Variants in MARCHF1 observed in about 807,000 individuals in gnomAD.
The protein encoded by MARCHF1 is E3 ubiquitin-protein ligase MARCHF1.
Under a neutral mutation model 54.2 loss-of-function variants are expected in MARCHF1, and 40 were observed. The observed-to-expected ratio is 0.74, with a 90% CI of 0.57 to 0.96. The LOEUF (loss-of-function observed/expected upper bound fraction) is 0.96, where lower values mean the gene tolerates loss of function less well. Ranked by LOEUF, MARCHF1 falls within the 40% of genes least tolerant of loss-of-function variation. The probability of loss-of-function intolerance (pLI) is 0.00; values close to 1 mark genes in which losing one functional copy is unlikely to be tolerated. For missense variants in MARCHF1, 586 were observed against 656.5 expected (o/e 0.89, Z 1.17); for synonymous variants, 236 against 236.3 (o/e 1.00, Z 0.01).
At chr4:163,618,052 C>G (rs910005127) in intron 5 of MARCHF1, among the ~76,000 whole-genome samples, 1 of 152,158 alleles carries the variant, frequency 6.6e-6, no homozygotes, top group Non-Finnish European at 1.5e-5. Context: ...CACAGTGAAT[C>G]AGATAGCATT....
chr4:163,590,918 G>A (rs578078225), intron 7 of MARCHF1, among the ~76,000 whole-genome samples: 35 of 151,820 alleles, frequency 2.3e-4, no homozygotes, highest in Middle Eastern at 3.4e-3. Flanking sequence ...TTGTAGTTCC[G>A]CCCATCTATA....
At chr4:163,873,031 G>A (rs891259709) in intron 3 of MARCHF1, among the ~76,000 whole-genome samples, 1 of 150,654 alleles carries the variant, frequency 6.6e-6, no homozygotes, top group East Asian at 2.0e-4. Context: ...GCGACAGAGC[G>A]AGACTCCGTC....
intron 1 of MARCHF1, chr4:164,383,138 C>T (rs1314964174): frequency 6.6e-6 from 1 of 152,318 alleles, no homozygotes; most frequent in Admixed American, 6.5e-5. Context: ...CACTCCACTT[C>T]CTGGAGCTCC....
chr4:163,805,670 G>C (rs991064385), intron 4 of MARCHF1, among the ~76,000 whole-genome samples: 2 of 152,272 alleles, frequency 1.3e-5, no homozygotes, highest in African/African-American at 2.4e-5. Context: ...TTATGTTGTA[G>C]AAGACACAGA....
chr4:163,590,271 A>G (rs1266258758), intron 7 of MARCHF1, among the ~76,000 whole-genome samples: 2 of 150,640 alleles, frequency 1.3e-5, no homozygotes, highest in Non-Finnish European at 3.0e-5. Context: ...AAAAAAAAAA[A>G]TCTTTGTGAG....
At chr4:164,057,211 TA>T (rs1754512452) in intron 2 of MARCHF1, among the ~76,000 whole-genome samples, 1 of 152,206 alleles carries the variant, frequency 6.6e-6, no homozygotes, top group Admixed American at 6.5e-5. Flanking sequence ...CATACTTTTT[TA>T]TAATAATCAT....
rs1484528321 is a variant in MARCHF1 at position 164,340,412 on chromosome 4, TAG to T, written c.-323+43456_-323+43457del. 1.4e-3 allele frequency among the ~76,000 whole-genome samples: 142 copies of T among 102,114 alleles called. 10 individuals carry two copies. The highest frequency in any genetic ancestry group is 8.4e-3 in the Middle Eastern group (2 of 238). The allele number at this position is 102,114 out of a possible 152,430, so 67.0% of individuals were successfully genotyped here. On this transcript the variant is annotated intron_variant, in intron 1 of 9. Transcript: ENST00000514618. ...ATGCCACCAGGCCTTGATTTATATATAGATATATATATATATATATATAGTTT... is the reference window on the plus strand; with the variant it reads ...ATGCCACCAGGCCTTGATTTATATATATATATATATATATATATATAGTTT...
chr4:164,370,773 T>C (rs1190027270), intron 1 of MARCHF1, among the ~76,000 whole-genome samples: 1 of 152,084 alleles, frequency 6.6e-6, no homozygotes, highest in Non-Finnish European at 1.5e-5. Context: ...CTGGGCGTGA[T>C]AGCGTGCCCC....
intron 3 of MARCHF1, among the ~76,000 whole-genome samples, chr4:163,920,289 G>C (rs995408755): frequency 1.3e-5 from 2 of 152,162 alleles, no homozygotes; most frequent in African/African-American, 4.8e-5. Context: ...TTGTTAATGT[G>C]TAAGAACCCA....
chr4:164,156,559 G>C (rs1730082449), intron 1 of MARCHF1, among the ~76,000 whole-genome samples: 1 of 152,060 alleles, frequency 6.6e-6, no homozygotes, highest in Admixed American at 6.6e-5. Flanking sequence ...GTGTAGCTGG[G>C]ACTACAGGCA....
rs1731068520 is a variant in MARCHF1 at position 164,189,562 on chromosome 4, G to A, written c.-322-77900C>T. 4 of 916,304 alleles carry A rather than the reference G, an allele frequency of 4.4e-6. No individual in the cohort carries two copies. In the South Asian group the frequency reaches 5.5e-5, roughly 13 times the overall value. 56.8% of individuals were successfully genotyped at this position (916,304 alleles called of 1,614,324 possible). ...AAACCCAGATGAAGCTGTAGTGCAT[G>A]GTGCTGCTGTCCAGGCTGGAGTGCT... is the stretch of plus-strand genomic sequence containing the variant. On this transcript the variant is annotated intron_variant, in intron 1 of 9. Transcript: ENST00000514618.
chr4:164,038,385 TG>T (rs1754054753), intron 2 of MARCHF1, among the ~76,000 whole-genome samples: 1 of 152,052 alleles, frequency 6.6e-6, no homozygotes. Flanking sequence ...CCCAGCTACT[TG>T]GGAGGCTGAG....
At chr4:163,628,713 A>C (rs1176337853) in intron 5 of MARCHF1, among the ~76,000 whole-genome samples, 3 of 152,238 alleles carry the variant, frequency 2.0e-5, no homozygotes, top group Non-Finnish European at 4.4e-5. Context: ...TAGGATACAA[A>C]ATCAATGTGC....
chr4:163,815,827 CTTAATAA>C (rs1748517650), intron 4 of MARCHF1, among the ~76,000 whole-genome samples: 1 of 152,120 alleles, frequency 6.6e-6, no homozygotes, highest in Non-Finnish European at 1.5e-5. Context: ...AAGCCACCTG[CTTAATAA>C]TTAATACAGA....
intron 4 of MARCHF1, among the ~76,000 whole-genome samples, chr4:163,837,264 G>T (rs1213707517): frequency 6.6e-6 from 1 of 152,104 alleles, no homozygotes; most frequent in Non-Finnish European, 1.5e-5. Context: ...CAAGTAGAAA[G>T]TGTCAAAGCT....
At chr4:163,750,067 G>GA (rs201321425) in intron 4 of MARCHF1, among the ~76,000 whole-genome samples, 7,614 of 137,692 alleles carry the variant, frequency 0.055, 585 homozygotes, top group East Asian at 0.33. Context: ...AGACTGTCTT[G>GA]AAAAAAAAAA....
At chr4:163,719,675 T>C (rs9683773) in intron 4 of MARCHF1, among the ~76,000 whole-genome samples, 68,269 of 149,284 alleles carry the variant, frequency 0.46, 15,975 homozygotes, top group Admixed American at 0.5. Flanking sequence ...TATTTCTCCA[T>C]ATCCTCTCCA....
At chr4:164,196,042 T>G (rs953720448) in intron 1 of MARCHF1, among the ~76,000 whole-genome samples, 3 of 152,188 alleles carry the variant, frequency 2.0e-5, no homozygotes, top group Non-Finnish European at 2.9e-5. Flanking sequence ...ATGCCTTGAC[T>G]GATAAAGGTA....
At chr4:163,554,492 G>A (rs772318408) in intron 8 of MARCHF1, among the ~76,000 whole-genome samples, 9 of 152,134 alleles carry the variant, frequency 5.9e-5, no homozygotes, top group African/African-American at 1.7e-4. Flanking sequence ...TAGTTAGGTC[G>A]AACAGGCTAG....
Sources: gnomAD v4.1 joint callset for allele counts (sites outside exome capture counted in the v4.1 genomes callset) on GRCh38, gnomAD v4.1.1 for gene constraint, MANE v1.5 for transcripts, NCBI Gene and HGNC (gene_info 2026-07-23, HGNC 2026-07-21) for gene names.